Variants in KCNQ5 observed in about 807,000 individuals in gnomAD.
The protein encoded by KCNQ5 is potassium voltage-gated channel subfamily Q member 5, also known as potassium voltage-gated channel subfamily KQT member 5.
Under a neutral mutation model 98.2 loss-of-function variants are expected in KCNQ5, and 30 were observed. That is an observed-to-expected ratio of 0.31 (90% CI 0.23 to 0.41). The LOEUF (loss-of-function observed/expected upper bound fraction) is 0.41, where lower values mean the gene tolerates loss of function less well. Ranked by LOEUF, KCNQ5 falls within the 10% of genes least tolerant of loss-of-function variation. The probability of loss-of-function intolerance (pLI) is 1.00; values close to 1 mark genes in which losing one functional copy is unlikely to be tolerated. For synonymous variants in KCNQ5, 458 were observed against 449.4 expected (o/e 1.02, Z -0.24); for missense variants, 835 against 1,182.5 (o/e 0.71, Z 4.31).
chr6:73,079,644 C>T (rs1466143601), intron 5 of KCNQ5, among the ~76,000 whole-genome samples: 1 of 152,152 alleles, frequency 6.6e-6, no homozygotes, highest in African/African-American at 2.4e-5. Context: ...CAAGATTATG[C>T]CATTGGTTTC....
At chr6:72,776,900 G>A (rs1744342484) in intron 1 of KCNQ5, among the ~76,000 whole-genome samples, 2 of 152,098 alleles carry the variant, frequency 1.3e-5, no homozygotes, top group South Asian at 4.1e-4. Context: ...TGAAGGAACA[G>A]GTTCATTTGA....
At chr6:73,087,853 T>C (rs1370739924) in intron 5 of KCNQ5, among the ~76,000 whole-genome samples, 1 of 152,086 alleles carries the variant, frequency 6.6e-6, no homozygotes, top group Non-Finnish European at 1.5e-5. Flanking sequence ...TTTGTCTCCC[T>C]CTTTATCAAA....
At chr6:72,871,878 C>T (rs1778222270) in intron 1 of KCNQ5, among the ~76,000 whole-genome samples, 1 of 152,042 alleles carries the variant, frequency 6.6e-6, no homozygotes, top group Admixed American at 6.5e-5. Flanking sequence ...CATATTTTTT[C>T]CTCAGACAGA....
intron 1 of KCNQ5, among the ~76,000 whole-genome samples, chr6:72,694,083 C>G (rs1270588780): frequency 1.3e-5 from 2 of 152,124 alleles, no homozygotes; most frequent in African/African-American, 4.8e-5. Context: ...CATTCCAGCC[C>G]ACCCTGTTTT....
chr6:72,724,665 G>A (rs948902060), intron 1 of KCNQ5, among the ~76,000 whole-genome samples: 1 of 152,162 alleles, frequency 6.6e-6, no homozygotes, highest in Admixed American at 6.5e-5. Flanking sequence ...TCTCTTGAGA[G>A]ATTTATGCCC....
intron 2 of KCNQ5, among the ~76,000 whole-genome samples, chr6:73,026,212 T>G (rs1770883891): frequency 6.6e-6 from 1 of 152,196 alleles, no homozygotes; most frequent in South Asian, 2.1e-4. Context: ...TGTCCTGGAA[T>G]GTACTCCCCA....
chr6:73,055,178 G>A (rs772454914), intron 3 of KCNQ5: 73 of 874,302 alleles, frequency 8.3e-5, no homozygotes, highest in South Asian at 2.5e-4. Flanking sequence ...CTGGTACGAC[G>A]CCATCCTGAG....
chr6:72,928,548 T>A (rs1488384296), intron 1 of KCNQ5, among the ~76,000 whole-genome samples: 1 of 152,066 alleles, frequency 6.6e-6, no homozygotes, highest in African/African-American at 2.4e-5. Context: ...ACTTTTAGTA[T>A]GGGAGATTGT....
At chr6:73,034,304 C>A (rs772817139) in intron 2 of KCNQ5, among the ~76,000 whole-genome samples, 5 of 152,088 alleles carry the variant, frequency 3.3e-5, no homozygotes, top group African/African-American at 4.8e-5. Flanking sequence ...CAAAAAGGAA[C>A]AAAAACAGCT....
chr6:72,962,266 T>C (rs994945658), intron 1 of KCNQ5, among the ~76,000 whole-genome samples: 6 of 144,684 alleles, frequency 4.1e-5, no homozygotes, highest in Admixed American at 2.8e-4. Flanking sequence ...CATATATATA[T>C]ACATATATAT....
chr6:73,017,235 C>T (rs138753390), intron 2 of KCNQ5, among the ~76,000 whole-genome samples: 55 of 152,084 alleles, frequency 3.6e-4, no homozygotes, highest in African/African-American at 1.3e-3. Context: ...AAGAAAATAA[C>T]CTTGAAATCA....
intron 11 of KCNQ5, among the ~76,000 whole-genome samples, chr6:73,184,994 C>T (rs1778520811): frequency 6.6e-6 from 1 of 152,194 alleles, no homozygotes; most frequent in Admixed American, 6.5e-5. Context: ...GTTCATTAAA[C>T]TCTGGGCCAA....
chr6:72,938,807 C>T (rs535189455), intron 1 of KCNQ5, among the ~76,000 whole-genome samples: 1 of 152,238 alleles, frequency 6.6e-6, no homozygotes, highest in South Asian at 2.1e-4. Flanking sequence ...GGAAAACTGA[C>T]ATATAAACAA....
At chr6:72,822,324 A>G (rs1039256359) in intron 1 of KCNQ5, among the ~76,000 whole-genome samples, 5 of 152,234 alleles carry the variant, frequency 3.3e-5, no homozygotes, top group Non-Finnish European at 7.3e-5. Flanking sequence ...CAGTTCTGCA[A>G]ACTTACCTCT....
At chr6:72,830,548 T>A (rs1169128182) in intron 1 of KCNQ5, among the ~76,000 whole-genome samples, 2 of 152,154 alleles carry the variant, frequency 1.3e-5, no homozygotes, top group Admixed American at 6.5e-5. Flanking sequence ...AAGCTGAAAC[T>A]GGATCCCTTC....
intron 1 of KCNQ5, among the ~76,000 whole-genome samples, chr6:72,913,325 T>G (rs191134386): frequency 3.1e-4 from 47 of 152,126 alleles, no homozygotes; most frequent in Non-Finnish European, 1.5e-5. Flanking sequence ...AAATACATCT[T>G]CAAGGCCACT....
intron 1 of KCNQ5, among the ~76,000 whole-genome samples, chr6:72,752,690 G>C (rs1339178127): frequency 1.3e-5 from 2 of 152,084 alleles, no homozygotes; most frequent in African/African-American, 4.8e-5. Context: ...GTACAGTTTA[G>C]GCTAACAAAC....
At chr6:73,020,362 A>T (rs1229665691) in intron 2 of KCNQ5, among the ~76,000 whole-genome samples, 1 of 152,194 alleles carries the variant, frequency 6.6e-6, no homozygotes, top group Non-Finnish European at 1.5e-5. Context: ...TTCATTTACC[A>T]GCTTATTATA....
At chr6:72,771,674 GT>G (rs1772896125) in intron 1 of KCNQ5, among the ~76,000 whole-genome samples, 1 of 151,870 alleles carries the variant, frequency 6.6e-6, no homozygotes, top group South Asian at 2.1e-4. Context: ...GTGTGTGTGT[GT>G]GTGTGTGTGT....
Sources: allele counts gnomAD v4.1 joint callset (sites outside exome capture counted in the v4.1 genomes callset), GRCh38; gene constraint gnomAD v4.1.1; transcripts MANE v1.5; gene names NCBI Gene and HGNC (gene_info 2026-07-23, HGNC 2026-07-21).